Variants in ARHGAP12 observed in about 807,000 individuals in gnomAD.
ARHGAP12 encodes the protein rho GTPase-activating protein 12.
In ARHGAP12, 64 loss-of-function variants were observed where a neutral mutation model predicts 108.6. The ratio of observed to expected loss-of-function variants is 0.59; its 90% confidence interval spans 0.48 to 0.73. The LOEUF (loss-of-function observed/expected upper bound fraction) is 0.73. Among genes scored for constraint, ARHGAP12 ranks in the 30% least tolerant of loss-of-function variants. The probability of loss-of-function intolerance (pLI) is 0.00; values close to 1 mark genes in which losing one functional copy is unlikely to be tolerated. For synonymous variants in ARHGAP12, 312 were observed against 337.2 expected (o/e 0.93, Z 0.82); for missense variants, 940 against 1,005.9 (o/e 0.93, Z 0.89).
chr10:31,915,077 C>T (rs1487419991), intron 1 of ARHGAP12, among the ~76,000 whole-genome samples: 1 of 152,130 alleles, frequency 6.6e-6, no homozygotes, highest in Admixed American at 6.5e-5. Context: ...CATGTGGAAT[C>T]TAAAAATATT....
chr10:31,858,156 G>C (rs1434078915), intron 4 of ARHGAP12, among the ~76,000 whole-genome samples: 2 of 152,154 alleles, frequency 1.3e-5, no homozygotes, highest in Non-Finnish European at 2.9e-5. Context: ...TGAGAGCTAT[G>C]ACCACAACAC....
In ARHGAP12 at chr10:31,866,389, T is replaced by C. The variant is rs1002008296; in HGVS notation, c.685-4731A>G. ...ACAGAAAACAAGTATTGTGAGGCAT[T>C]GTACAACAATCAGCTGCAGACTGTA... is the stretch of plus-strand genomic sequence containing the variant. On this transcript the variant is annotated intron_variant, in intron 3 of 19. Coordinates refer to ENST00000344936, the MANE Select transcript of ARHGAP12 (RefSeq NM_018287.7). Among the ~76,000 whole-genome samples the C allele has an allele frequency of 6.6e-5, 10 of 152,256 alleles. No individual in the cohort carries two copies. In the East Asian group the frequency reaches 1.9e-3, roughly 29 times the overall value.
intron 6 of ARHGAP12, among the ~76,000 whole-genome samples, chr10:31,849,775 T>G (rs1200832253): frequency 6.6e-6 from 1 of 152,172 alleles, no homozygotes; most frequent in African/African-American, 2.4e-5. Flanking sequence ...AAACTGAGGA[T>G]TCAACGCTGG....
chr10:31,835,782 T>C (rs545664702), intron 9 of ARHGAP12, among the ~76,000 whole-genome samples: 1 of 152,240 alleles, frequency 6.6e-6, no homozygotes, highest in South Asian at 2.1e-4. Flanking sequence ...TAATGAAACA[T>C]CCAGAATGGG....
intron 3 of ARHGAP12, among the ~76,000 whole-genome samples, chr10:31,874,990 AAAAAAAAAAAAAT>A (rs1464678835): frequency 2.7e-5 from 4 of 150,476 alleles, no homozygotes; most frequent in East Asian, 1.9e-4. Flanking sequence ...AAAAAAAAAA[AAAAAAAAAAAAAT>A]TTTCACACAC....
intron 3 of ARHGAP12, among the ~76,000 whole-genome samples, chr10:31,885,222 C>T (rs568844959): frequency 2.6e-5 from 4 of 152,264 alleles, no homozygotes; most frequent in African/African-American, 4.8e-5. Context: ...TTAATGTAAT[C>T]ATTTTTAGTA....
chr10:31,871,112 A>T (rs1837527266), intron 3 of ARHGAP12, among the ~76,000 whole-genome samples: 1 of 152,232 alleles, frequency 6.6e-6, no homozygotes, highest in Admixed American at 6.5e-5. Context: ...ATGCAGAAAA[A>T]GTTTCACAAC....
intron 6 of ARHGAP12, among the ~76,000 whole-genome samples, chr10:31,849,899 T>C (rs540851611): frequency 7.9e-5 from 12 of 152,326 alleles, no homozygotes; most frequent in Admixed American, 2.0e-4. Context: ...ATAGGTTTCC[T>C]AATGCAGCCT....
chr10:31,845,472 C>T (rs1053367132), intron 6 of ARHGAP12, among the ~76,000 whole-genome samples: 2 of 152,026 alleles, frequency 1.3e-5, no homozygotes, highest in Admixed American at 1.3e-4. Context: ...TAAACTTTAG[C>T]ATAATGTGTC....
At chr10:31,861,802 T>C in intron 3 of ARHGAP12, 144 bp from the exon 4 acceptor site, 2 of 827,686 alleles carry the variant, frequency 2.4e-6, no homozygotes, top group Non-Finnish European at 1.7e-6. Flanking sequence ...AATAATAATT[T>C]AACAGTTTTA....
intron 4 of ARHGAP12, 96 bp downstream of exon 4, chr10:31,861,299 C>T (rs1389679360): frequency 7.1e-6 from 10 of 1,407,510 alleles, no homozygotes; most frequent in Middle Eastern, 2.3e-4. Flanking sequence ...TTTTAACATG[C>T]TGACAGTAAG....
chr10:31,880,165 T>A (rs1275847761), intron 3 of ARHGAP12, among the ~76,000 whole-genome samples: 1 of 152,242 alleles, frequency 6.6e-6, no homozygotes, highest in East Asian at 1.9e-4. Context: ...AAATTAGATG[T>A]CACAGTTTTT....
intron 16 of ARHGAP12, 30 bp from the exon 17 acceptor site, chr10:31,809,337 T>G: frequency 6.2e-7 from 1 of 1,601,230 alleles, no homozygotes; most frequent in Non-Finnish European, 8.6e-7. Flanking sequence ...TGTGTGTGTG[T>G]GTGTTTAAAG....
intron 6 of ARHGAP12, among the ~76,000 whole-genome samples, chr10:31,850,997 A>G (rs1293677252): frequency 6.6e-6 from 1 of 152,266 alleles, no homozygotes; most frequent in East Asian, 1.9e-4. Flanking sequence ...GCACTTTTCA[A>G]TAGACTTTTT....
At chr10:31,884,598 T>C (rs984524875) in intron 3 of ARHGAP12, among the ~76,000 whole-genome samples, 16 of 152,220 alleles carry the variant, frequency 1.1e-4, no homozygotes, top group African/African-American at 3.6e-4. Flanking sequence ...ATTAACTCTT[T>C]GTACTTTCTC....
At chr10:31,865,773 G>C (rs1837300626) in intron 3 of ARHGAP12, among the ~76,000 whole-genome samples, 1 of 151,938 alleles carries the variant, frequency 6.6e-6, no homozygotes. Context: ...AGCTACTCGG[G>C]AGGCTGAGGC....
At chr10:31,810,552 C>T (rs1168728822) in intron 16 of ARHGAP12, 97 bp downstream of exon 16, 5 of 787,806 alleles carry the variant, frequency 6.3e-6, no homozygotes, top group South Asian at 3.8e-5. Context: ...CTTCTGTTTG[C>T]ATCACTCAAA....
chr10:31,905,836 G>A (rs554051567), intron 3 of ARHGAP12, among the ~76,000 whole-genome samples: 4 of 140,338 alleles, frequency 2.9e-5, no homozygotes, highest in South Asian at 4.2e-4. Context: ...TAGATCTGAT[G>A]GTGGAAATAA....
chr10:31,817,711 G>T, intron 13 of ARHGAP12, 77 bp downstream of exon 13: 1 of 912,334 alleles, frequency 1.1e-6, no homozygotes, highest in Non-Finnish European at 1.7e-6. Context: ...ATTGCAATCC[G>T]GATATCCAAT....
Sources: allele counts gnomAD v4.1 joint callset (sites outside exome capture counted in the v4.1 genomes callset), GRCh38; gene constraint gnomAD v4.1.1; transcripts MANE v1.5; gene names NCBI Gene and HGNC (gene_info 2026-07-23, HGNC 2026-07-21).